Variants in PALM2AKAP2 observed in about 807,000 individuals in gnomAD.
PALM2AKAP2 encodes the protein PALM2 and AKAP2 fusion, also known as PALM2-AKAP2 fusion protein.
A neutral mutation model predicts 71.5 loss-of-function variants in PALM2AKAP2; 37 were observed. The observed-to-expected ratio is 0.52, with a 90% CI of 0.40 to 0.68. The LOEUF (loss-of-function observed/expected upper bound fraction) is 0.68, where lower values mean the gene tolerates loss of function less well. PALM2AKAP2 is among the 30% of genes least tolerant of loss of function. PALM2AKAP2 has a pLI of 0.00. For missense variants in PALM2AKAP2, 1,224 were observed against 1,191.8 expected (o/e 1.03, Z -0.40); for synonymous variants, 468 against 478.8 (o/e 0.98, Z 0.29).
intron 1 of PALM2AKAP2, among the ~76,000 whole-genome samples, chr9:109,681,586 C>T (rs1827734256): frequency 6.6e-6 from 1 of 152,126 alleles, no homozygotes; most frequent in Admixed American, 6.6e-5. Flanking sequence ...TAAACAAGGG[C>T]AGGCTGGGGG....
chr9:109,685,660 C>T (rs563383186), intron 1 of PALM2AKAP2, among the ~76,000 whole-genome samples: 1 of 151,814 alleles, frequency 6.6e-6, no homozygotes, highest in Non-Finnish European at 1.5e-5. Context: ...TTACTTGAAC[C>T]CTCAGTGAAT....
intron 1 of PALM2AKAP2, among the ~76,000 whole-genome samples, chr9:109,804,831 G>T (rs536117358): frequency 5.6e-4 from 86 of 152,224 alleles, no homozygotes; most frequent in African/African-American, 2.0e-3. Context: ...ACTTAAATGT[G>T]CCTGTCATGG....
At chr9:109,790,952 TGCAG>T (rs1417596210) in intron 1 of PALM2AKAP2, among the ~76,000 whole-genome samples, 2 of 152,222 alleles carry the variant, frequency 1.3e-5, no homozygotes, top group East Asian at 3.8e-4. Context: ...CCAGGTGGTA[TGCAG>T]GCAGTCTTGT....
intron 1 of PALM2AKAP2, among the ~76,000 whole-genome samples, chr9:109,752,525 G>A (rs1299524140): frequency 6.6e-6 from 1 of 152,138 alleles, no homozygotes; most frequent in Non-Finnish European, 1.5e-5. Context: ...AGAGGGAATG[G>A]TGTGTCAAAA....
chr9:109,949,755 C>G (rs1461072153), intron 6 of PALM2AKAP2, among the ~76,000 whole-genome samples: 1 of 152,134 alleles, frequency 6.6e-6, no homozygotes, highest in African/African-American at 2.4e-5. Flanking sequence ...TGATAGCTCT[C>G]TGGGCTATAC....
At chr9:110,095,696 C>A (rs909341641) in intron 1 of PALM2AKAP2, among the ~76,000 whole-genome samples, 1 of 152,188 alleles carries the variant, frequency 6.6e-6, no homozygotes, top group Non-Finnish European at 1.5e-5. Context: ...TGCATTAATT[C>A]TTCCCTTCCA....
At chr9:109,655,298 CAAAA>C (rs10598253) in intron 1 of PALM2AKAP2, among the ~76,000 whole-genome samples, 83 of 110,364 alleles carry the variant, frequency 7.5e-4, no homozygotes, top group African/African-American at 1.9e-3. Context: ...GACTCGGTCT[CAAAA>C]AAAAAAAAAA....
intron 6 of PALM2AKAP2, among the ~76,000 whole-genome samples, chr9:109,951,197 G>A (rs1231654709): frequency 1.3e-5 from 2 of 151,112 alleles, no homozygotes; most frequent in Non-Finnish European, 2.9e-5. Context: ...CATCTCACTC[G>A]GGGTGAGTGA....
intron 7 of PALM2AKAP2, among the ~76,000 whole-genome samples, chr9:110,037,433 C>T (rs553399382): frequency 3.9e-5 from 6 of 152,264 alleles, no homozygotes; most frequent in East Asian, 1.9e-4. Context: ...CTCGAACTCC[C>T]GACCTCAGGT....
At chr9:109,685,710 G>A (rs1000577181) in intron 1 of PALM2AKAP2, among the ~76,000 whole-genome samples, 2 of 152,010 alleles carry the variant, frequency 1.3e-5, no homozygotes, top group Non-Finnish European at 2.9e-5. Flanking sequence ...CCTTGATGCT[G>A]ATGGCTACTG....
chr9:109,885,462 G>A (rs894139553), intron 3 of PALM2AKAP2, among the ~76,000 whole-genome samples: 13 of 152,108 alleles, frequency 8.5e-5, no homozygotes, highest in African/African-American at 3.1e-4. Flanking sequence ...TTTTTAAAAG[G>A]GTGTTCCAGA....
At chr9:109,816,381 G>T (rs1731270915) in intron 1 of PALM2AKAP2, among the ~76,000 whole-genome samples, 1 of 152,186 alleles carries the variant, frequency 6.6e-6, no homozygotes, top group Non-Finnish European at 1.5e-5. Flanking sequence ...GGGCTATGAT[G>T]GACTGGGATA....
At chr9:109,876,268 C>T (rs1019391743) in intron 2 of PALM2AKAP2, among the ~76,000 whole-genome samples, 2 of 152,118 alleles carry the variant, frequency 1.3e-5, no homozygotes, top group African/African-American at 4.8e-5. Context: ...ACTCAGTATA[C>T]ACCATTCCAT....
At chr9:110,172,033 T>C (rs1411259360) in exon 4 of PALM2AKAP2, 1 of 152,610 alleles carries the variant, frequency 6.6e-6, no homozygotes, top group African/African-American at 2.4e-5. Context: ...TAGATCAATG[T>C]CCACATATAT....
intron 6 of PALM2AKAP2, among the ~76,000 whole-genome samples, chr9:109,937,571 G>T (rs1831255893): frequency 6.6e-6 from 1 of 152,020 alleles, no homozygotes; most frequent in Non-Finnish European, 1.5e-5. Context: ...CAGCTGTCTC[G>T]CTGGCTTCTT....
chr9:110,001,857 T>C (rs1452988037), intron 6 of PALM2AKAP2, among the ~76,000 whole-genome samples: 3 of 151,930 alleles, frequency 2.0e-5, no homozygotes, highest in Non-Finnish European at 4.4e-5. Flanking sequence ...ATTTTGCACA[T>C]TGATTTTGTA....
At chr9:110,048,748 C>T (rs754326938) in exon 1 of PALM2AKAP2, 3 of 1,369,046 alleles carry the variant, frequency 2.2e-6, no homozygotes, top group South Asian at 2.9e-5. Flanking sequence ...CCCGGAGTCT[C>T]CTGGACCCCC....
chr9:110,060,144 G>C (rs896964016), intron 1 of PALM2AKAP2, among the ~76,000 whole-genome samples: 1 of 151,954 alleles, frequency 6.6e-6, no homozygotes, highest in Non-Finnish European at 1.5e-5. Context: ...GATGAGTCTT[G>C]CTGTGTTGCC....
chr9:109,911,962 G>A (rs1441384316), intron 3 of PALM2AKAP2, among the ~76,000 whole-genome samples: 4 of 152,200 alleles, frequency 2.6e-5, no homozygotes, highest in Non-Finnish European at 5.9e-5. Context: ...AACATACCAG[G>A]CTGGGTTGGG....
Sources: gnomAD v4.1 joint callset for allele counts (sites outside exome capture counted in the v4.1 genomes callset) on GRCh38, gnomAD v4.1.1 for gene constraint, MANE v1.5 for transcripts, NCBI Gene and HGNC (gene_info 2026-07-23, HGNC 2026-07-21) for gene names.